NLGN1: variants seen among roughly 807,000 people sequenced by gnomAD.
NLGN1 encodes the protein neuroligin-1.
In NLGN1, 12 loss-of-function variants were observed where a neutral mutation model predicts 65.5. The observed-to-expected ratio is 0.18, with a 90% CI of 0.12 to 0.30. The LOEUF (loss-of-function observed/expected upper bound fraction) is 0.30. NLGN1 is among the 10% of genes least tolerant of loss of function. NLGN1 has a pLI of 1.00. For missense variants in NLGN1, 750 were observed against 1,007.1 expected (o/e 0.74, Z 3.46); for synonymous variants, 350 against 359.5 (o/e 0.97, Z 0.30).
chr3:173,559,659 C>G (rs114076920), intron 2 of NLGN1, among the ~76,000 whole-genome samples: 40 of 152,198 alleles, frequency 2.6e-4, no homozygotes, highest in South Asian at 1.2e-3. Flanking sequence ...TACTTTAAAT[C>G]AAATCTCAAT....
intron 4 of NLGN1, among the ~76,000 whole-genome samples, chr3:174,178,252 A>G (rs1437069271): frequency 6.6e-6 from 1 of 152,116 alleles, no homozygotes; most frequent in Non-Finnish European, 1.5e-5. Flanking sequence ...TTTGAGTTAT[A>G]GTCATAATTT....
chr3:173,957,339 T>A (rs893808722), intron 4 of NLGN1, among the ~76,000 whole-genome samples: 13 of 152,220 alleles, frequency 8.5e-5, no homozygotes, highest in Non-Finnish European at 1.5e-4. Context: ...ATAATGCAGA[T>A]ATAAATAGCA....
intron 4 of NLGN1, among the ~76,000 whole-genome samples, chr3:173,966,015 G>A (rs1048486348): frequency 2.6e-5 from 4 of 152,078 alleles, no homozygotes; most frequent in South Asian, 2.1e-4. Context: ...TTTTGGGAAC[G>A]TCTAAATTTT....
chr3:173,558,192 A>G (rs1742021212), intron 2 of NLGN1, among the ~76,000 whole-genome samples: 1 of 151,296 alleles, frequency 6.6e-6, no homozygotes, highest in Non-Finnish European at 1.5e-5. Flanking sequence ...TTATTTTCTA[A>G]TTATTATTTT....
intron 4 of NLGN1, among the ~76,000 whole-genome samples, chr3:174,273,874 C>T (rs1338843652): frequency 6.6e-6 from 1 of 151,424 alleles, no homozygotes; most frequent in African/African-American, 2.4e-5. Context: ...CTACAATGAT[C>T]CTAGAGAATT....
chr3:173,730,473 C>A (rs1178445053), intron 3 of NLGN1, among the ~76,000 whole-genome samples: 2 of 151,844 alleles, frequency 1.3e-5, no homozygotes, highest in African/African-American at 2.4e-5. Context: ...TTTCAACAAG[C>A]GATCATTGTG....
At chr3:173,997,290 A>G (rs1459562387) in intron 4 of NLGN1, among the ~76,000 whole-genome samples, 2 of 152,142 alleles carry the variant, frequency 1.3e-5, no homozygotes, top group Non-Finnish European at 2.9e-5. Flanking sequence ...CACCACACCC[A>G]TTCTACAGCC....
At position 173,688,465 on chromosome 3, in the gene NLGN1, G is replaced by A. The variant is rs1453871242; in HGVS notation, c.493+83374G>A. Among the ~76,000 whole-genome samples, 3 of 152,182 alleles carry A rather than the reference G, an allele frequency of 2.0e-5. No individual in the cohort carries two copies. The South Asian group carries it at 6.2e-4, about 32-fold the overall frequency. On this transcript the variant is annotated intron_variant, in intron 3 of 6. Coordinates refer to ENST00000457714, the Ensembl canonical transcript of NLGN1. Reference sequence around the variant, plus strand: ...TATTCCTCTGAGTGCTGTGTGCTTGGGCAGTGGAGAGCGACTAAAAAGGTC... The same window carrying A: ...TATTCCTCTGAGTGCTGTGTGCTTGAGCAGTGGAGAGCGACTAAAAAGGTC...
intron 4 of NLGN1, among the ~76,000 whole-genome samples, chr3:174,135,301 T>C (rs1281466668): frequency 6.6e-6 from 1 of 152,178 alleles, no homozygotes. Context: ...CAAATGAAAT[T>C]GTAAGTAGTT....
chr3:173,408,762 A>G (rs2148639348), intron 1 of NLGN1, among the ~76,000 whole-genome samples: 1 of 152,170 alleles, frequency 6.6e-6, no homozygotes, highest in Middle Eastern at 3.4e-3. Flanking sequence ...AATACAAAAA[A>G]TTAGCTGGGC....
rs571697236 is a variant in NLGN1, at chr3:173,545,393, T to A, written c.-320-58886T>A. Among the ~76,000 whole-genome samples, 66 of 152,112 alleles carry A rather than the reference T, an allele frequency of 4.3e-4. 2 individuals carry two copies. In the South Asian group the frequency reaches 0.014, roughly 32 times the overall value. ...CTGGCCCTCGGTAAAGTTTTTATTATCAAAGATGAATTGAAGCCAGAAAGG... is the reference window on the plus strand; with the variant it reads ...CTGGCCCTCGGTAAAGTTTTTATTAACAAAGATGAATTGAAGCCAGAAAGG... On this transcript the variant is annotated intron_variant, in intron 2 of 6. Transcript: ENST00000457714.
intron 4 of NLGN1, among the ~76,000 whole-genome samples, chr3:173,861,993 T>C (rs1729198865): frequency 6.6e-6 from 1 of 151,906 alleles, no homozygotes; most frequent in African/African-American, 2.4e-5. Context: ...GGTCTTGAAC[T>C]CCTGACCTCA....
chr3:173,409,402 T>C (rs941803806), intron 1 of NLGN1, among the ~76,000 whole-genome samples: 4 of 152,216 alleles, frequency 2.6e-5, no homozygotes, highest in Admixed American at 6.5e-5. Context: ...ATATTCCATA[T>C]GTACTGTAGA....
At chr3:174,175,193 A>AT (rs1281054754) in intron 4 of NLGN1, among the ~76,000 whole-genome samples, 4 of 151,648 alleles carry the variant, frequency 2.6e-5, no homozygotes, top group East Asian at 3.9e-4. Context: ...TTCTTTGCTG[A>AT]TTTTTTTTGT....
At chr3:174,011,736 G>A (rs1164679855) in intron 4 of NLGN1, among the ~76,000 whole-genome samples, 1 of 151,968 alleles carries the variant, frequency 6.6e-6, no homozygotes, top group African/African-American at 2.4e-5. Context: ...CAGAGTTATT[G>A]TAAAGGTGAA....
At chr3:173,552,284 T>G (rs6787959) in intron 2 of NLGN1, among the ~76,000 whole-genome samples, 85,363 of 151,876 alleles carry the variant, frequency 0.56, 24,822 homozygotes, top group East Asian at 0.85. Context: ...AAGAAGTCAT[T>G]GTGGTTTTAA....
At chr3:174,119,994 G>C (rs1288304525) in intron 4 of NLGN1, among the ~76,000 whole-genome samples, 1 of 152,146 alleles carries the variant, frequency 6.6e-6, no homozygotes, top group Non-Finnish European at 1.5e-5. Flanking sequence ...TTCACAGTTT[G>C]AAAACCACTG....
At chr3:173,903,128 A>G (rs1415421102) in intron 4 of NLGN1, among the ~76,000 whole-genome samples, 1 of 152,148 alleles carries the variant, frequency 6.6e-6, no homozygotes, top group Non-Finnish European at 1.5e-5. Context: ...CAGAAAAGGC[A>G]TTGAGTGTTC....
At chr3:174,262,609 A>T (rs1326857175) in intron 4 of NLGN1, among the ~76,000 whole-genome samples, 5 of 151,152 alleles carry the variant, frequency 3.3e-5, no homozygotes, top group Non-Finnish European at 7.4e-5. Flanking sequence ...GCGGTCTATC[A>T]ATTTTGTTGA....
Sources: gnomAD v4.1 joint callset for allele counts (sites outside exome capture counted in the v4.1 genomes callset) on GRCh38, gnomAD v4.1.1 for gene constraint, MANE v1.5 for transcripts, NCBI Gene and HGNC (gene_info 2026-07-23, HGNC 2026-07-21) for gene names.